Variants in TSNARE1 observed in about 807,000 individuals in gnomAD.
The protein encoded by TSNARE1 is t-SNARE domain containing 1, also known as t-SNARE domain-containing protein 1.
TSNARE1 carries 49 observed loss-of-function variants against 62.0 expected under a neutral mutation model. That is an observed-to-expected ratio of 0.79 (90% confidence interval 0.63 to 1.00). The LOEUF (loss-of-function observed/expected upper bound fraction) is 1.00. Among genes scored for constraint, TSNARE1 ranks in the 50% least tolerant of loss-of-function variants. TSNARE1 has a pLI of 0.00. For synonymous variants in TSNARE1, 328 were observed against 294.4 expected, an observed-to-expected ratio of 1.11 and a Z score of -1.17; for missense variants, 755 against 700.1, an observed-to-expected ratio of 1.08 and a Z score of -0.88.
rs111678836 is a variant in TSNARE1 at position 142,344,151 on chromosome 8, T to C, written c.560A>G (p.Lys187Arg). The C allele has an allele frequency of 6.2e-7, 1 of 1,613,184 alleles. No homozygotes were observed. The highest frequency in any genetic ancestry group is 8.5e-7 in the Non-Finnish European group (1 of 1,179,828). ...CRRDVVDLKH[K>R]WRDLRAVVRR... ...CACGACGGCTCGTAGGTCCCGCCAC[T>C]TGTGCTTCAGGTCCACAACGTCGCG... is the stretch of plus-strand genomic sequence containing the variant. Residue 187 changes from lysine to arginine, a missense_variant, in exon 4 of 14, where the codon AAG becomes AGG. Lys to Arg is a conservative substitution (Grantham distance 26). Coordinates refer to ENST00000524325, the MANE Select transcript of TSNARE1 (RefSeq NM_145003.5).
At chr8:142,324,091 G>T (rs1240082956) in intron 6 of TSNARE1, among the ~76,000 whole-genome samples, 1 of 152,220 alleles carries the variant, frequency 6.6e-6, no homozygotes. Flanking sequence ...TTCAATGTGG[G>T]ATACAGATGC....
rs1384029252 is a variant in TSNARE1, at chr8:142,354,845, G to T, written c.-39-82C>A. 5.2e-6 allele frequency: 4 copies of T among 761,974 alleles called. No homozygotes were observed. The African/African-American group carries it at 7.0e-5, about 13-fold the overall frequency. 47.2% of individuals were successfully genotyped at this position (761,974 alleles called of 1,614,324 possible). A position where few individuals can be genotyped will look rare whatever the true frequency, so the allele number is the denominator to read the frequency against. On this transcript the variant is annotated intron_variant, in intron 1 of 13. Coordinates refer to ENST00000524325, the MANE Select transcript of TSNARE1 (RefSeq NM_145003.5). ...CAATTCAGGGTGCACAGGGGCCGCCGGCCCCTCCCCAGCCCCAAGACCCTG... is the reference window on the plus strand; with the variant it reads ...CAATTCAGGGTGCACAGGGGCCGCCTGCCCCTCCCCAGCCCCAAGACCCTG...
intron 6 of TSNARE1, among the ~76,000 whole-genome samples, chr8:142,325,607 T>C (rs1385103512): frequency 1.3e-5 from 2 of 152,044 alleles, no homozygotes; most frequent in East Asian, 3.9e-4. Context: ...TTCCTTGGCC[T>C]GGGACTAACA....
rs56759212 is a variant in TSNARE1 at position 142,313,156 on chromosome 8, A to G, written c.1131+1228T>C. Among the ~76,000 whole-genome samples, 43 of 150,574 alleles carry G rather than the reference A, an allele frequency of 2.9e-4. No homozygotes were observed. In the East Asian group the frequency reaches 7.3e-3, roughly 25 times the overall value. On this transcript the variant is annotated intron_variant, in intron 9 of 13. Coordinates refer to ENST00000524325, the MANE Select transcript of TSNARE1 (RefSeq NM_145003.5). ...TATCTGCATGTGTGTCTGCATGTCT[A>G]TCTGTGTCTCTGTGTGTTTATCTGC...
intron 12 of TSNARE1, among the ~76,000 whole-genome samples, chr8:142,244,368 A>T (rs1403131750): frequency 6.6e-6 from 1 of 152,240 alleles, no homozygotes; most frequent in African/African-American, 2.4e-5. Flanking sequence ...AAAATGAGAC[A>T]TCATTTATAG....
chr8:142,229,155 G>A (rs952085162), intron 13 of TSNARE1, among the ~76,000 whole-genome samples: 3 of 151,920 alleles, frequency 2.0e-5, no homozygotes, highest in African/African-American at 7.3e-5. Context: ...GTGGAAGGTG[G>A]ATGGATGAAT....
At chr8:142,348,675 G>A (rs1459585268) in intron 2 of TSNARE1, among the ~76,000 whole-genome samples, 3 of 148,792 alleles carry the variant, frequency 2.0e-5, no homozygotes, top group Non-Finnish European at 3.0e-5. Context: ...GCCCCAGGCT[G>A]CCAAGGGCGT....
At chr8:142,222,508 T>C (rs1354465777) in intron 13 of TSNARE1, among the ~76,000 whole-genome samples, 5 of 56,506 alleles carry the variant, frequency 8.8e-5, no homozygotes, top group Non-Finnish European at 1.4e-4. Context: ...ACTCATCCAC[T>C]CACTCACTCA....
chr8:142,217,956 G>A lies in TSNARE1; in HGVS notation c.*12-5643C>T, dbSNP rs375981776. ...GGGCTCAGAGTATGAGCAGGATCAG[G>A]GCTCAGTGTGTGACCAGGATCAGGG... On this transcript the variant is annotated intron_variant, in intron 13 of 13. Transcript: ENST00000524325. Among the ~76,000 whole-genome samples the A allele has an allele frequency of 3.0e-5, 4 of 131,500 alleles. 1 individual carries two copies. The highest frequency in any genetic ancestry group is 1.2e-4 in the African/African-American group (4 of 33,096). 86.3% of individuals were successfully genotyped at this position (131,500 alleles called of 152,430 possible).
chr8:142,352,880 A>G (rs1446495672), intron 2 of TSNARE1, among the ~76,000 whole-genome samples: 1 of 152,170 alleles, frequency 6.6e-6, no homozygotes, highest in African/African-American at 2.4e-5. Flanking sequence ...GAACCGTTAG[A>G]TCTGAACCTG....
At position 142,221,335 on chromosome 8, in the gene TSNARE1, C is replaced by T. The variant is rs192522469; in HGVS notation, c.*11+8138G>A. Among the ~76,000 whole-genome samples the T allele has an allele frequency of 3.9e-5, 6 of 152,342 alleles. No homozygotes were observed. The East Asian group carries it at 1.2e-3, about 29-fold the overall frequency. On this transcript the variant is annotated intron_variant, in intron 13 of 13. Coordinates refer to ENST00000524325, the MANE Select transcript of TSNARE1 (RefSeq NM_145003.5). ...GCAAGTATGTGCACACACACGCAGG[C>T]ACATAACACAAAGGCCATGCCAGGA...
At chr8:142,283,391 G>A (rs1242305651) in intron 11 of TSNARE1, among the ~76,000 whole-genome samples, 2 of 151,566 alleles carry the variant, frequency 1.3e-5, no homozygotes, top group Admixed American at 6.6e-5. Flanking sequence ...ATGAGCAGAG[G>A]CGGGGTTAGT....
At chr8:142,363,191 C>A (rs934844403) in intron 1 of TSNARE1, among the ~76,000 whole-genome samples, 3 of 152,186 alleles carry the variant, frequency 2.0e-5, no homozygotes, top group African/African-American at 7.2e-5. Context: ...CGGGTAGAGC[C>A]ATCCCAAGAC....
Position 142,310,755 on chromosome 8 carries a change from A to AT in TSNARE1, c.1131+3628dup, listed in dbSNP as rs1244114497. Among the ~76,000 whole-genome samples the AT allele has an allele frequency of 2.0e-5, 3 of 151,394 alleles. No homozygotes were observed. In the East Asian group the frequency reaches 5.8e-4, roughly 29 times the overall value. On this transcript the variant is annotated intron_variant, in intron 9 of 13. Transcript: ENST00000524325. ...TCTCTGACTTTAATGTGCTCTTAACATTTTTTTTCTAGTTTGAATCTGCTT... is the reference window on the plus strand; with the variant it reads ...TCTCTGACTTTAATGTGCTCTTAACATTTTTTTTTCTAGTTTGAATCTGCTT...
At chr8:142,329,737 T>C (rs72687389) in intron 6 of TSNARE1, among the ~76,000 whole-genome samples, 31,774 of 152,150 alleles carry the variant, frequency 0.21, 3,668 homozygotes, top group South Asian at 0.32. Context: ...AACACCGACA[T>C]GCTAACAGCA....
intron 12 of TSNARE1, chr8:142,271,434 A>G (rs1057252945): frequency 8.0e-7 from 1 of 1,252,766 alleles, no homozygotes; most frequent in Non-Finnish European, 1.0e-6. Context: ...TCAAATGCGG[A>G]CGTTTCAGAT....
intron 1 of TSNARE1, among the ~76,000 whole-genome samples, chr8:142,385,904 A>G (rs1366486949): frequency 6.6e-6 from 1 of 152,190 alleles, no homozygotes; most frequent in African/African-American, 2.4e-5. Context: ...AGACTGGGAA[A>G]ATAACTCGGA....
chr8:142,236,795 T>C (rs1186647248), intron 12 of TSNARE1, among the ~76,000 whole-genome samples: 1 of 152,176 alleles, frequency 6.6e-6, no homozygotes, highest in East Asian at 1.9e-4. Flanking sequence ...CGGTGCATAT[T>C]CATTGCCTAT....
At position 142,229,475 on chromosome 8, in the gene TSNARE1, C is replaced by T. The variant is rs777202604; in HGVS notation, c.*9G>A. 184 of 1,613,480 alleles carry T rather than the reference C, an allele frequency of 1.1e-4. No individual in the cohort carries two copies. Among genetic ancestry groups the T allele is most frequent in the South Asian group, 1.3e-4 (12 of 91,054 alleles). On this transcript the variant is annotated splice_region_variant and 3_prime_UTR_variant, in exon 13 of 14. Transcript: ENST00000524325. ...GTACGGGTAGGTGGGGTACTCACCA[C>T]GGGTAGCATCACTTTCGGACAGAGG... is the stretch of plus-strand genomic sequence containing the variant.
Sources: allele counts gnomAD v4.1 joint callset (sites outside exome capture counted in the v4.1 genomes callset), GRCh38; gene constraint gnomAD v4.1.1; transcripts MANE v1.5; gene names NCBI Gene and HGNC (gene_info 2026-07-23, HGNC 2026-07-21).